The following RHOT1 variants were observed in gnomAD, a reference collection of about 807,000 sequenced individuals.
The protein encoded by RHOT1 is ras homolog family member T1, also known as mitochondrial Rho GTPase 1.
RHOT1 carries 27 observed loss-of-function variants against 95.3 expected under a neutral mutation model. The ratio of observed to expected loss-of-function variants is 0.28; its 90% confidence interval spans 0.21 to 0.39. RHOT1 has a LOEUF of 0.39. Among genes scored for constraint, RHOT1 ranks in the 10% least tolerant of loss-of-function variants. The pLI, the probability that RHOT1 is intolerant of heterozygous loss-of-function variation, is 1.00. For synonymous variants in RHOT1, 227 were observed against 263.5 expected (o/e 0.86, Z 1.34); for missense variants, 578 against 786.7 (o/e 0.73, Z 3.17).
chr17:32,166,597 A>T (rs1027844880), intron 1 of RHOT1, among the ~76,000 whole-genome samples: 1 of 152,228 alleles, frequency 6.6e-6, no homozygotes, highest in African/African-American at 2.4e-5. Flanking sequence ...AACTAAGTTT[A>T]TGTAATATTC....
chr17:32,145,948 CG>C (rs1490377941), intron 1 of RHOT1, among the ~76,000 whole-genome samples: 2 of 152,138 alleles, frequency 1.3e-5, no homozygotes, highest in African/African-American at 2.4e-5. Context: ...CCCAGGAGTT[CG>C]GGGCTGCTGT....
intron 19 of RHOT1, among the ~76,000 whole-genome samples, chr17:32,224,066 T>C (rs1178869242): frequency 2.0e-5 from 3 of 152,232 alleles, no homozygotes; most frequent in African/African-American, 7.2e-5. Context: ...AACTGATAAA[T>C]CTTCCCCTCC....
rs763710386 is a variant in RHOT1, at chr17:32,199,463, A to G, written c.1013A>G (p.Tyr338Cys). The change falls in exon 13 of 20, where the codon TAC (tyrosine) becomes TGC (cysteine). Residue 338 changes from tyrosine to cysteine, a missense_variant. Coordinates refer to ENST00000545287, the MANE Select transcript of RHOT1 (RefSeq NM_001033566.3). ...AAAGATTTATTTAAAGTTTTCCCTTACATACCTTGGGGGCCAGATGTGAAT... is the reference window on the plus strand; with the variant it reads ...AAAGATTTATTTAAAGTTTTCCCTTGCATACCTTGGGGGCCAGATGTGAAT... ...ELKDLFKVFP[Y>C]IPWGPDVNNT... 1.2e-6 allele frequency: 2 copies of G among 1,613,296 alleles called. No individual in the cohort carries two copies.
chr17:32,196,960 A>G (rs2036933864), intron 11 of RHOT1, among the ~76,000 whole-genome samples: 1 of 151,890 alleles, frequency 6.6e-6, no homozygotes, highest in African/African-American at 2.4e-5. Flanking sequence ...CATCTCTACT[A>G]AAAATACAAA....
At chr17:32,221,048 G>T (rs1164135013) in intron 19 of RHOT1, 1 of 982,598 alleles carries the variant, frequency 1.0e-6, no homozygotes, top group Non-Finnish European at 1.2e-6. Flanking sequence ...AATTGTGGAA[G>T]AATTATTTCT....
chr17:32,220,154 G>A (rs2038738690), intron 19 of RHOT1, among the ~76,000 whole-genome samples: 1 of 151,522 alleles, frequency 6.6e-6, no homozygotes, highest in Non-Finnish European at 1.5e-5. Context: ...CTGAGGCCAG[G>A]AGTTCAAGAC....
chr17:32,224,297 G>A (rs1169546792), intron 19 of RHOT1, among the ~76,000 whole-genome samples: 5 of 152,092 alleles, frequency 3.3e-5, no homozygotes, highest in Admixed American at 2.0e-4. Flanking sequence ...TTGAACAACC[G>A]TAACGGTATT....
Position 32,225,411 on chromosome 17 carries a change from G to C in RHOT1, c.*678G>C, listed in dbSNP as rs1413444238. 1 of 152,354 alleles carries C rather than the reference G, an allele frequency of 6.6e-6. No homozygotes were observed. Among genetic ancestry groups the C allele is most frequent in the Non-Finnish European group, 1.5e-5 (1 of 67,988 alleles). 9.4% of individuals were successfully genotyped at this position (152,354 alleles called of 1,614,324 possible). A position where few individuals can be genotyped will look rare whatever the true frequency, so the allele number is the denominator to read the frequency against. On this transcript the variant is annotated 3_prime_UTR_variant, in exon 20 of 20. Transcript: ENST00000545287. The stretch of plus-strand genomic sequence containing the variant: ...TATGTTGCTTCCTTGTCAGTATGTT[G>C]AATTTTATAGCCCTTTCAATGAAAT...
chr17:32,192,674 T>G (rs147054962), intron 9 of RHOT1, among the ~76,000 whole-genome samples: 166 of 150,972 alleles, frequency 1.1e-3, no homozygotes, highest in African/African-American at 3.3e-3. Flanking sequence ...CTTTTTTTTT[T>G]TTTTTTTTTG....
intron 11 of RHOT1, among the ~76,000 whole-genome samples, chr17:32,197,748 T>G (rs1270957762): frequency 1.3e-5 from 2 of 152,042 alleles, no homozygotes; most frequent in Admixed American, 1.3e-4. Context: ...AATTTTCATA[T>G]TTTTAGTAGA....
chr17:32,165,395 T>C (rs1342987808), intron 1 of RHOT1, among the ~76,000 whole-genome samples: 1 of 139,668 alleles, frequency 7.2e-6, no homozygotes, highest in Non-Finnish European at 1.5e-5. Flanking sequence ...TGGTGGCACA[T>C]GCCTGTAATC....
At chr17:32,189,278 G>A (rs561088343) in intron 8 of RHOT1, among the ~76,000 whole-genome samples, 3 of 152,166 alleles carry the variant, frequency 2.0e-5, no homozygotes, top group East Asian at 1.9e-4. Context: ...CAGCCTGGGC[G>A]ACAGAGCGAG....
intron 1 of RHOT1, among the ~76,000 whole-genome samples, chr17:32,170,057 GTTA>G (rs1432627347): frequency 6.6e-6 from 1 of 151,916 alleles, no homozygotes; most frequent in Non-Finnish European, 1.5e-5. Flanking sequence ...AATGTTCCTT[GTTA>G]AGAGTTTATT....
intron 8 of RHOT1, among the ~76,000 whole-genome samples, chr17:32,191,014 C>T (rs1241349687): frequency 1.3e-5 from 2 of 152,170 alleles, no homozygotes; most frequent in East Asian, 3.8e-4. Context: ...AGGCTGGTCT[C>T]GAACTCTTGA....
chr17:32,196,861 C>T (rs1362454587), intron 11 of RHOT1, among the ~76,000 whole-genome samples: 3 of 152,088 alleles, frequency 2.0e-5, no homozygotes, highest in African/African-American at 4.8e-5. Flanking sequence ...TGGTGGCTCA[C>T]GCCTGTAATC....
At chr17:32,180,631 A>G (rs1487975409) in intron 6 of RHOT1, among the ~76,000 whole-genome samples, 5 of 150,990 alleles carry the variant, frequency 3.3e-5, no homozygotes. Flanking sequence ...AATGATCAAT[A>G]AACATTAAAA....
intron 2 of RHOT1, among the ~76,000 whole-genome samples, chr17:32,171,384 C>T (rs1598344828): frequency 6.6e-6 from 1 of 152,194 alleles, no homozygotes; most frequent in Non-Finnish European, 1.5e-5. Context: ...CTGTGCCCTG[C>T]CAGTTGAGAC....
intron 3 of RHOT1, among the ~76,000 whole-genome samples, chr17:32,174,554 C>A (rs1005919592): frequency 6.6e-6 from 1 of 152,124 alleles, no homozygotes; most frequent in Admixed American, 6.5e-5. Flanking sequence ...AGCCTTAACC[C>A]ATTGATTACT....
intron 1 of RHOT1, among the ~76,000 whole-genome samples, chr17:32,161,953 A>G (rs931371949): frequency 1.8e-4 from 28 of 152,172 alleles, no homozygotes; most frequent in African/African-American, 6.8e-4. Flanking sequence ...CGAGCTCAGG[A>G]GCTTCTTTCT....
Sources: allele counts gnomAD v4.1 joint callset (sites outside exome capture counted in the v4.1 genomes callset), GRCh38; gene constraint gnomAD v4.1.1; transcripts MANE v1.5; gene names NCBI Gene and HGNC (gene_info 2026-07-23, HGNC 2026-07-21).